Variants in STK40 observed in about 807,000 individuals in gnomAD.
STK40 encodes the protein serine/threonine-protein kinase 40.
In STK40, 13 loss-of-function variants were observed where a neutral mutation model predicts 47.9. The ratio of observed to expected loss-of-function variants is 0.27; its 90% CI spans 0.18 to 0.43. The LOEUF (loss-of-function observed/expected upper bound fraction) is 0.43. Among genes scored for constraint, STK40 ranks in the 20% least tolerant of loss-of-function variants. The pLI is 1.00. For missense variants in STK40, 460 were observed against 595.1 expected, an observed-to-expected ratio of 0.77 and a Z score of 2.36; for synonymous variants, 225 against 243.2, an observed-to-expected ratio of 0.93 and a Z score of 0.69.
chr1:36,351,114 A>G (rs1646749073), intron 6 of STK40, among the ~76,000 whole-genome samples: 1 of 152,202 alleles, frequency 6.6e-6, no homozygotes, highest in Non-Finnish European at 1.5e-5. Flanking sequence ...GGGCTGCCAC[A>G]GTGTTTTTCT....
At chr1:36,368,472 G>A (rs549193671) in intron 1 of STK40, among the ~76,000 whole-genome samples, 6 of 152,160 alleles carry the variant, frequency 3.9e-5, no homozygotes, top group East Asian at 3.9e-4. Context: ...GGCTGGTCTC[G>A]AACTCCTGGG....
intron 7 of STK40, among the ~76,000 whole-genome samples, chr1:36,346,379 T>C (rs557675129): frequency 7.2e-5 from 11 of 152,186 alleles, no homozygotes; most frequent in Non-Finnish European, 1.0e-4. Flanking sequence ...GAGAGGTCTG[T>C]AACTTCCCCC....
chr1:36,353,071 T>C (rs920479604), intron 6 of STK40, among the ~76,000 whole-genome samples: 42 of 152,366 alleles, frequency 2.8e-4, no homozygotes, highest in African/African-American at 9.4e-4. Context: ...ACTGTGGCTT[T>C]GGCCTCTTTA....
chr1:36,357,620 C>A (rs534795293), intron 4 of STK40, among the ~76,000 whole-genome samples: 1 of 152,190 alleles, frequency 6.6e-6, no homozygotes, highest in Admixed American at 6.5e-5. Context: ...AAAAAAAGGA[C>A]AAGGGGGCCC....
At chr1:36,354,466 T>A in intron 5 of STK40, 50 bp from the exon 6 acceptor site, 1 of 1,596,240 alleles carries the variant, frequency 6.3e-7, no homozygotes, top group Non-Finnish European at 8.6e-7. Flanking sequence ...AGAGGTGGGG[T>A]CAGGGCCCAC....
intron 1 of STK40, among the ~76,000 whole-genome samples, chr1:36,384,700 G>A (rs749946607): frequency 6.6e-6 from 1 of 152,190 alleles, no homozygotes; most frequent in Non-Finnish European, 1.5e-5. Context: ...TGTGAGAAAT[G>A]AATGAATGAA....
chr1:36,343,833 T>C, intron 9 of STK40, 27 bp downstream of exon 9: 1 of 1,555,854 alleles, frequency 6.4e-7, no homozygotes, highest in Non-Finnish European at 8.7e-7. Context: ...CGCAGCCTTG[T>C]GCCCGGTCAA....
In STK40 at chr1:36,355,369, C is replaced by T. The variant is rs1646794085; in HGVS notation, c.407G>A (p.Arg136His). The change falls in exon 5 of 11, where the codon CGC becomes CAC. Residue 136 changes from arginine (R) to histidine (H), a missense_variant. Physicochemically the swap from Arg to His is conservative, Grantham distance 29 (BLOSUM62 0). This residue lies in a region of STK40 where 277 missense variants were observed against 358.7 expected (regional missense o/e 0.77). Coordinates refer to ENST00000373132, the MANE Select transcript of STK40 (RefSeq NM_001282547.2). Reference sequence around the variant, plus strand: ...GAGGCAGTCCAGGACGAGGCAGATGCGCTTCTTCATCTTCTTAACCATCCG... The same window carrying T: ...GAGGCAGTCCAGGACGAGGCAGATGTGCTTCTTCATCTTCTTAACCATCCG... ...SSRMVKKMKK[R>H]ICLVLDCLCA... 3.7e-6 allele frequency: 6 copies of T among 1,614,138 alleles called. No homozygotes were observed. Among genetic ancestry groups the T allele is most frequent in the Non-Finnish European group, 4.2e-6 (5 of 1,180,032 alleles).
At chr1:36,353,595 C>T (rs1557510329) in intron 6 of STK40, among the ~76,000 whole-genome samples, 1 of 152,244 alleles carries the variant, frequency 6.6e-6, no homozygotes, top group African/African-American at 2.4e-5. Context: ...CTGCATCCCT[C>T]TCCAGGAGGC....
chr1:36,364,863 A>C (rs1359017147), intron 1 of STK40, among the ~76,000 whole-genome samples: 2 of 152,110 alleles, frequency 1.3e-5, no homozygotes, highest in South Asian at 4.1e-4. Context: ...ATGTAGTTAA[A>C]TATTTCTGTC....
At chr1:36,371,684 CCAAAAAAAAA>C (rs1435237014) in intron 1 of STK40, among the ~76,000 whole-genome samples, 7 of 88,690 alleles carry the variant, frequency 7.9e-5, no homozygotes, top group African/African-American at 3.5e-4. Flanking sequence ...GACCCTGTCT[CCAAAAAAAAA>C]AAAAAAAAAA....
chr1:36,348,796 T>A lies in STK40; in HGVS notation c.643A>T (p.Thr215Ser). Residue 215 changes from threonine to serine, a missense_variant, in exon 7 of 11, where the codon ACC becomes TCC. By Grantham distance (58) the Thr-to-Ser change is moderately conservative. Around this residue, in one of 3 missense-constraint regions of STK40, gnomAD observed 277 missense variants for 358.7 expected, o/e 0.77. Coordinates refer to ENST00000373132, the MANE Select transcript of STK40 (RefSeq NM_001282547.2). ...AGATGCTTCCCGAGGCAGAAGTTGG[T>A]GATGGTTATCCGATGTGTCCTAGGA... ...LNKRTHRITI[T>S]NFCLGKHLVS... 1 of 1,606,656 alleles carries A rather than the reference T, an allele frequency of 6.2e-7. No individual in the cohort carries two copies. Among genetic ancestry groups the A allele is most frequent in the Non-Finnish European group, 8.5e-7 (1 of 1,176,276 alleles).
intron 6 of STK40, among the ~76,000 whole-genome samples, chr1:36,353,997 T>C (rs1570443062): frequency 6.6e-6 from 1 of 152,288 alleles, no homozygotes; most frequent in South Asian, 2.1e-4. Context: ...ACTCCTGGGC[T>C]CAAGTGATCC....
chr1:36,343,043 T>C (rs967860918), intron 10 of STK40: 1 of 601,544 alleles, frequency 1.7e-6, no homozygotes, highest in East Asian at 2.8e-5. Flanking sequence ...GAGAGAACTC[T>C]GAGTCAGGGG....
intron 1 of STK40, among the ~76,000 whole-genome samples, chr1:36,372,359 G>GT (rs954427332): frequency 2.2e-5 from 3 of 139,322 alleles, no homozygotes; most frequent in African/African-American, 7.9e-5. Flanking sequence ...GAGCGCAGGA[G>GT]TTTGAGGCTG....
chr1:36,347,139 C>T (rs1570436197), intron 7 of STK40, among the ~76,000 whole-genome samples: 1 of 151,854 alleles, frequency 6.6e-6, no homozygotes, highest in Non-Finnish European at 1.5e-5. Flanking sequence ...GCTGGGGGAG[C>T]CTCCGAGGGA....
At chr1:36,378,367 CT>C (rs2124752720) in intron 1 of STK40, among the ~76,000 whole-genome samples, 1 of 152,330 alleles carries the variant, frequency 6.6e-6, no homozygotes, top group East Asian at 1.9e-4. Context: ...CGCTCTGAGC[CT>C]GAGTGTTCTC....
chr1:36,339,726 C>G lies in STK40; in HGVS notation c.*2029G>C, dbSNP rs907685980. 1 of 152,678 alleles carries G rather than the reference C, an allele frequency of 6.5e-6. No individual in the cohort carries two copies. Among genetic ancestry groups the G allele is most frequent in the African/African-American group, 2.4e-5 (1 of 41,448 alleles). The allele number at this position is 152,678 out of a possible 1,614,324, so 9.5% of individuals were successfully genotyped here. On this transcript the variant is annotated 3_prime_UTR_variant, in exon 11 of 11. Coordinates refer to ENST00000373132, the MANE Select transcript of STK40 (RefSeq NM_001282547.2). Reference sequence around the variant, plus strand: ...AACTTTTTTGTGACTTTTTCCGTTTCTTTACAATAGGACTTCTCTCAGTGT... The same window carrying G: ...AACTTTTTTGTGACTTTTTCCGTTTGTTTACAATAGGACTTCTCTCAGTGT...
At chr1:36,343,594 G>A (rs1646673686) in intron 9 of STK40, 146 bp from the exon 10 acceptor site, 2 of 983,560 alleles carry the variant, frequency 2.0e-6, no homozygotes, top group Admixed American at 2.7e-5. Flanking sequence ...CCATAAAGGG[G>A]GACAATTTCT....
Sources: gnomAD v4.1 joint callset for allele counts (sites outside exome capture counted in the v4.1 genomes callset) on GRCh38, gnomAD v4.1.1 for gene constraint, gnomAD v4.1.1 regional missense constraint, MANE v1.5 for transcripts, NCBI Gene and HGNC (gene_info 2026-07-23, HGNC 2026-07-21) for gene names.